The following RIOK2 variants were observed in gnomAD, a reference collection of about 807,000 sequenced individuals.
The protein encoded by RIOK2 is RIO kinase 2.
In RIOK2, 46 loss-of-function variants were observed where a neutral mutation model predicts 62.4. The ratio of observed to expected loss-of-function variants is 0.74; its 90% confidence interval spans 0.58 to 0.94. RIOK2 has a LOEUF of 0.94. Among genes scored for constraint, RIOK2 ranks in the 40% least tolerant of loss-of-function variants. The probability of loss-of-function intolerance (pLI) is 0.00; values close to 1 mark genes in which losing one functional copy is unlikely to be tolerated. For synonymous variants in RIOK2, 197 were observed against 216.0 expected, an observed-to-expected ratio of 0.91 and a Z score of 0.77; for missense variants, 574 against 658.0, an observed-to-expected ratio of 0.87 and a Z score of 1.40.
chr5:97,170,225 T>C (rs1208658290), intron 6 of RIOK2, among the ~76,000 whole-genome samples: 2 of 152,168 alleles, frequency 1.3e-5, no homozygotes, highest in African/African-American at 2.4e-5. Flanking sequence ...TTACACTCAA[T>C]TGAATCATAA....
intron 2 of RIOK2, among the ~76,000 whole-genome samples, chr5:97,178,194 T>G (rs986662212): frequency 5.3e-5 from 8 of 152,240 alleles, no homozygotes; most frequent in African/African-American, 1.9e-4. Flanking sequence ...TTTATAAAAG[T>G]AAGGATCTGT....
intron 2 of RIOK2, among the ~76,000 whole-genome samples, chr5:97,178,548 G>A (rs544358533): frequency 1.4e-5 from 2 of 142,396 alleles, no homozygotes; most frequent in Admixed American, 7.1e-5. Flanking sequence ...CAGTACCTAC[G>A]TGCTCTTCTG....
chr5:97,166,872 A>G (rs927384586), intron 8 of RIOK2: 4 of 980,988 alleles, frequency 4.1e-6, no homozygotes, highest in East Asian at 1.1e-4. Context: ...AACCTGATCA[A>G]TGTATCCAGA....
Position 97,165,118 on chromosome 5 carries a change from T to C in RIOK2, c.1427A>G (p.Gln476Arg). The C allele has an allele frequency of 2.0e-6, 3 of 1,492,906 alleles. No individual in the cohort carries two copies. The highest frequency in any genetic ancestry group is 2.7e-6 in the Non-Finnish European group (3 of 1,117,242). 92.5% of individuals were successfully genotyped at this position (1,492,906 alleles called of 1,614,324 possible). ...GATACTCAGAGTTCTTGTTCTATAC[T>C]GATTCATAGCTCCCACATTTTCTTC... ...RDEENVGAMN[Q>R]YRTRTLSITS... The change falls in exon 9 of 10, where the codon CAG (glutamine) becomes CGG (arginine). Residue 476 changes from glutamine to arginine, a missense_variant. By Grantham distance (43) the Gln-to-Arg change is conservative. Coordinates refer to ENST00000283109, the MANE Select transcript of RIOK2 (RefSeq NM_018343.3).
Position 97,162,421 on chromosome 5 carries a change from T to G in RIOK2, c.*640A>C, listed in dbSNP as rs559271264. On this transcript the variant is annotated 3_prime_UTR_variant, in exon 10 of 10. Coordinates refer to ENST00000283109, the MANE Select transcript of RIOK2 (RefSeq NM_018343.3). The stretch of plus-strand genomic sequence containing the variant: ...CTCCACCTTCCCCAACCCCTAACTC[T>G]TCTGCTACTCAGGCCTGCTTACAAG... 6.6e-6 allele frequency: 1 copy of G among 152,616 alleles called. No individual in the cohort carries two copies. Among genetic ancestry groups the G allele is most frequent in the South Asian group, 2.1e-4 (1 of 4,840 alleles). The allele number at this position is 152,616 out of a possible 1,614,324, so 9.5% of individuals were successfully genotyped here. A position where few individuals can be genotyped will look rare whatever the true frequency, so the allele number is the denominator to read the frequency against.
chr5:97,180,037 T>A (rs1203183688), intron 1 of RIOK2, among the ~76,000 whole-genome samples: 6 of 63,470 alleles, frequency 9.5e-5, no homozygotes, highest in Admixed American at 2.4e-4. Flanking sequence ...AATATATATA[T>A]TATATATATA....
At chr5:97,169,971 C>T (rs316186) in intron 6 of RIOK2, among the ~76,000 whole-genome samples, 50,951 of 151,004 alleles carry the variant, frequency 0.34, 10,061 homozygotes, top group East Asian at 0.47. Flanking sequence ...AGGCATTAAT[C>T]TTTTAGTATT....
At chr5:97,166,441 T>G in intron 8 of RIOK2, 1 of 361,276 alleles carries the variant, frequency 2.8e-6, no homozygotes, top group South Asian at 2.2e-5. Context: ...AAGGTAGGCT[T>G]AAGATATAAG....
At chr5:97,172,758 T>C (rs1749049178) in intron 5 of RIOK2, among the ~76,000 whole-genome samples, 2 of 152,240 alleles carry the variant, frequency 1.3e-5, no homozygotes, top group Non-Finnish European at 2.9e-5. Context: ...CCACCCTACA[T>C]AAAACAGTAG....
chr5:97,177,108 A>C lies in RIOK2; in HGVS notation c.498+8T>G. Reference sequence around the variant, plus strand: ...AAAAAATGCATGACTACAAAATAAAATAAATACCTTCATATAGGCAAATTC... The same window carrying C: ...AAAAAATGCATGACTACAAAATAAACTAAATACCTTCATATAGGCAAATTC... On this transcript the variant is annotated splice_region_variant and intron_variant, in intron 4 of 9. Coordinates refer to ENST00000283109, the MANE Select transcript of RIOK2 (RefSeq NM_018343.3). 1 of 1,605,056 alleles carries C rather than the reference A, an allele frequency of 6.2e-7. No individual in the cohort carries two copies. The highest frequency in any genetic ancestry group is 8.5e-7 in the Non-Finnish European group (1 of 1,176,624).
chr5:97,183,126 C>A lies in RIOK2; in HGVS notation c.66G>T (p.Ala22=). 2 of 1,614,114 alleles carry A rather than the reference C, an allele frequency of 1.2e-6. No individual in the cohort carries two copies. Among genetic ancestry groups the A allele is most frequent in the Non-Finnish European group, 8.5e-7 (1 of 1,179,964 alleles). The change falls in exon 1 of 10, where the codon GCG becomes GCT. Residue 22 remains alanine, a splice_region_variant and synonymous_variant. Coordinates refer to ENST00000283109, the MANE Select transcript of RIOK2 (RefSeq NM_018343.3). ...AGAACAGGAACGGCGGGTTTCTTAC[C>A]GCGGTCAAGACCCTGAAGTCATCTC... ...MSRDDFRVLT[A]VEMGMKNHEI...
At chr5:97,168,478 G>A (rs182106890) in intron 7 of RIOK2, among the ~76,000 whole-genome samples, 128 of 152,302 alleles carry the variant, frequency 8.4e-4, no homozygotes, top group African/African-American at 3.0e-3. Context: ...TATTCCTTAT[G>A]AATGAGTTAC....
At chr5:97,174,345 G>A (rs1000701141) in intron 4 of RIOK2, among the ~76,000 whole-genome samples, 4 of 152,170 alleles carry the variant, frequency 2.6e-5, no homozygotes, top group African/African-American at 4.8e-5. Context: ...GCGTGAACCC[G>A]GGAGGCAGAG....
At chr5:97,180,142 G>GTATATATGTGTATATA (rs1554083620) in intron 1 of RIOK2, among the ~76,000 whole-genome samples, 8 of 96,072 alleles carry the variant, frequency 8.3e-5, no homozygotes, top group African/African-American at 3.3e-4. Context: ...ATATATATAT[G>GTATATATGTGTATATA]TATATATATA....
intron 4 of RIOK2, 135 bp downstream of exon 4, chr5:97,176,981 A>T: frequency 1.4e-6 from 1 of 730,172 alleles, no homozygotes; most frequent in Non-Finnish European, 2.3e-6. Context: ...GTTATTTAAG[A>T]TTGAGTCTGT....
chr5:97,171,402 A>G lies in RIOK2; in HGVS notation c.588-5T>C. On this transcript the variant is annotated splice_polypyrimidine_tract_variant and splice_region_variant and intron_variant, in intron 5 of 9. Transcript: ENST00000283109. ...TCAACATGGTGTATCTGACATCTGA[A>G]AGTATTTTAAGCATGAAAATAGGTT... The G allele has an allele frequency of 6.6e-7, 1 of 1,508,024 alleles. No homozygotes were observed. The highest frequency in any genetic ancestry group is 8.9e-7 in the Non-Finnish European group (1 of 1,124,810). The allele number at this position is 1,508,024 out of a possible 1,614,324, so 93.4% of individuals were successfully genotyped here. A position where few individuals can be genotyped will look rare whatever the true frequency, so the allele number is the denominator to read the frequency against.
At chr5:97,178,370 T>G (rs1339593168) in intron 2 of RIOK2, among the ~76,000 whole-genome samples, 2 of 151,504 alleles carry the variant, frequency 1.3e-5, no homozygotes, top group Admixed American at 1.3e-4. Flanking sequence ...AGTACCTACA[T>G]GCTCTTCTGC....
chr5:97,169,875 G>A (rs534686729), intron 6 of RIOK2, among the ~76,000 whole-genome samples: 9 of 152,232 alleles, frequency 5.9e-5, no homozygotes, highest in African/African-American at 2.2e-4. Context: ...GCTCCTAGAT[G>A]TTCCTTTACT....
chr5:97,179,342 ATTT>A, intron 1 of RIOK2, 149 bp from the exon 2 acceptor site: 1 of 686,844 alleles, frequency 1.5e-6, no homozygotes, highest in Non-Finnish European at 2.4e-6. Context: ...TCTTGAAAAT[ATTT>A]TTAATTGCAA....
Sources: allele counts gnomAD v4.1 joint callset (sites outside exome capture counted in the v4.1 genomes callset), GRCh38; gene constraint gnomAD v4.1.1; transcripts MANE v1.5; gene names NCBI Gene and HGNC (gene_info 2026-07-23, HGNC 2026-07-21).